Variants in STRIT1 observed in about 807,000 individuals in gnomAD.
STRIT1 encodes small transmembrane regulator of ion transport 1.
chr3:155,293,677 T>C lies in STRIT1; in HGVS notation c.-45A>G. On this transcript the variant is annotated 5_prime_UTR_variant, in exon 1 of 3. Coordinates refer to ENST00000489090, the MANE Select transcript of STRIT1 (RefSeq NM_001352129.2). ...CTAGGTCAGGCCACGCTTACCTCTT[T>C]CTTTTGTTATCCAGCGTCTCTTTGA... 2.5e-6 allele frequency: 1 copy of C among 398,430 alleles called. No homozygotes were observed. Among genetic ancestry groups the C allele is most frequent in the Non-Finnish European group, 4.4e-6 (1 of 225,698 alleles). The allele number at this position is 398,430 out of a possible 1,614,324, so 24.7% of individuals were successfully genotyped here.
chr3:155,290,405 T>TC lies in STRIT1; in HGVS notation c.*445_*446insG, dbSNP rs1434427598. 7.8e-6 allele frequency: 1 copy of TC among 128,844 alleles called. No homozygotes were observed. The highest frequency in any genetic ancestry group is 2.9e-5 in the African/African-American group (1 of 34,078). The allele number at this position is 128,844 out of a possible 1,614,324, so 8.0% of individuals were successfully genotyped here. ...GCCCATTTTCTTTCTTTTTTTTTTT[T>TC]TTTTTTTTTTTTTTTGTAGAGATGG... On this transcript the variant is annotated 3_prime_UTR_variant, in exon 3 of 3. Coordinates refer to ENST00000489090, the MANE Select transcript of STRIT1 (RefSeq NM_001352129.2).
Position 155,293,643 on chromosome 3 carries a change from G to C in STRIT1, c.-11C>G. On this transcript the variant is annotated 5_prime_UTR_variant, in exon 1 of 3. Coordinates refer to ENST00000489090, the MANE Select transcript of STRIT1 (RefSeq NM_001352129.2). ...ACCTTTTTCAGCCATTATTCCTGTTGGTGGGTGGCTAGGTCAGGCCACGCT... is the reference window on the plus strand; with the variant it reads ...ACCTTTTTCAGCCATTATTCCTGTTCGTGGGTGGCTAGGTCAGGCCACGCT... The C allele has an allele frequency of 2.6e-6, 1 of 391,118 alleles. No homozygotes were observed. The highest frequency in any genetic ancestry group is 4.5e-6 in the Non-Finnish European group (1 of 224,270). 24.2% of individuals were successfully genotyped at this position (391,118 alleles called of 1,614,324 possible).
At chr3:155,292,673 T>A (rs1406688288) in intron 1 of STRIT1, among the ~76,000 whole-genome samples, 3 of 152,218 alleles carry the variant, frequency 2.0e-5, no homozygotes, top group Non-Finnish European at 2.9e-5. Context: ...TTTTCAACTT[T>A]ACTAATACCT....
chr3:155,291,963 G>A (rs1463693720), intron 1 of STRIT1, among the ~76,000 whole-genome samples: 1 of 152,064 alleles, frequency 6.6e-6, no homozygotes, highest in Admixed American at 6.6e-5. Context: ...ATTCTTAACT[G>A]CAAAGCATAA....
intron 1 of STRIT1, among the ~76,000 whole-genome samples, chr3:155,292,657 C>G (rs1715664077): frequency 6.6e-6 from 1 of 152,118 alleles, no homozygotes; most frequent in Non-Finnish European, 1.5e-5. Context: ...TTTTTTAACA[C>G]TAATGTTTTC....
intron 1 of STRIT1, among the ~76,000 whole-genome samples, chr3:155,292,174 A>C (rs1341989988): frequency 6.6e-6 from 1 of 152,196 alleles, no homozygotes; most frequent in African/African-American, 2.4e-5. Context: ...TTAATACTTT[A>C]AATCAATTTT....
chr3:155,293,188 G>C (rs1715677532), intron 1 of STRIT1, among the ~76,000 whole-genome samples: 1 of 152,042 alleles, frequency 6.6e-6, no homozygotes, highest in Non-Finnish European at 1.5e-5. Context: ...TTTTAGGTGT[G>C]GAATAGATGC....
intron 1 of STRIT1, among the ~76,000 whole-genome samples, chr3:155,292,662 G>A (rs142617942): frequency 1.5e-4 from 23 of 152,134 alleles, no homozygotes; most frequent in South Asian, 1.2e-3. Context: ...TAACACTAAT[G>A]TTTTCAACTT....
At chr3:155,292,676 T>C (rs911151613) in intron 1 of STRIT1, among the ~76,000 whole-genome samples, 22 of 152,218 alleles carry the variant, frequency 1.4e-4, no homozygotes, top group African/African-American at 4.8e-4. Context: ...TCAACTTTAC[T>C]AATACCTGTG....
In STRIT1 at chr3:155,291,213, C is replaced by G. The variant is rs367963074; in HGVS notation, c.14-175G>C. ...GAGAATACGTGAGACTGTCATAAAC[C>G]CTGGGTATTTTGAATCAAACCATGG... On this transcript the variant is annotated intron_variant, in intron 1 of 2. Coordinates refer to ENST00000489090, the MANE Select transcript of STRIT1 (RefSeq NM_001352129.2). 1.6e-5 allele frequency: 6 copies of G among 375,612 alleles called. No individual in the cohort carries two copies. The East Asian group carries it at 2.3e-4, about 14-fold the overall frequency. The allele number at this position is 375,612 out of a possible 1,614,324, so 23.3% of individuals were successfully genotyped here.
At chr3:155,292,444 T>C (rs1715659390) in intron 1 of STRIT1, among the ~76,000 whole-genome samples, 1 of 152,198 alleles carries the variant, frequency 6.6e-6, no homozygotes, top group Non-Finnish European at 1.5e-5. Flanking sequence ...TCTAGGTATG[T>C]GGCTTTATAT....
At chr3:155,292,851 G>A (rs1715667472) in intron 1 of STRIT1, among the ~76,000 whole-genome samples, 1 of 152,158 alleles carries the variant, frequency 6.6e-6, no homozygotes, top group South Asian at 2.1e-4. Context: ...ACAGCTGGAA[G>A]TGTTCTTGAG....
rs1378711243 is a variant in STRIT1 at position 155,290,450 on chromosome 3, G to A, written c.*401C>T. 1.7e-5 allele frequency: 2 copies of A among 115,496 alleles called. No homozygotes were observed. Among genetic ancestry groups the A allele is most frequent in the Non-Finnish European group, 3.3e-5 (2 of 60,914 alleles). 7.2% of individuals were successfully genotyped at this position (115,496 alleles called of 1,614,324 possible). On this transcript the variant is annotated 3_prime_UTR_variant, in exon 3 of 3. Coordinates refer to ENST00000489090, the MANE Select transcript of STRIT1 (RefSeq NM_001352129.2). ...AGATGGGGTCTCTCTCTGTCGCCTA[G>A]GAAGGTCTCCAATTTCTGGGCTCAA... is the stretch of plus-strand genomic sequence containing the variant.
Position 155,290,993 on chromosome 3 carries a change from A to C in STRIT1, c.59T>G (p.Ile20Ser). The change falls in exon 2 of 3, where the codon ATT (isoleucine) becomes AGT (serine). Residue 20 changes from isoleucine (I) to serine (S), a missense_variant. Ile to Ser is a moderately radical substitution (Grantham distance 142, BLOSUM62 -2). Coordinates refer to ENST00000489090, the MANE Select transcript of STRIT1 (RefSeq NM_001352129.2). ...SHLLVPILLLIGWIVGCIIMI... is the reference protein window; with the variant it reads ...SHLLVPILLLSGWIVGCIIMI... The stretch of plus-strand genomic sequence containing the variant: ...TATGATGCAGCCCACAATCCAGCCA[A>C]TCAGGAGAAGAATAGGAACCAGAAG... 5.0e-6 allele frequency: 2 copies of C among 398,772 alleles called. No individual in the cohort carries two copies. The highest frequency in any genetic ancestry group is 8.9e-6 in the Non-Finnish European group (2 of 225,910). The allele number at this position is 398,772 out of a possible 1,614,324, so 24.7% of individuals were successfully genotyped here.
At chr3:155,291,844 A>G (rs1001592975) in intron 1 of STRIT1, among the ~76,000 whole-genome samples, 3 of 152,306 alleles carry the variant, frequency 2.0e-5, no homozygotes, top group African/African-American at 7.2e-5. Context: ...AAGCAAACAT[A>G]CACAGGCATA....
chr3:155,291,597 C>A (rs1412270534), intron 1 of STRIT1, among the ~76,000 whole-genome samples: 3 of 152,242 alleles, frequency 2.0e-5, no homozygotes, highest in Non-Finnish European at 4.4e-5. Context: ...AGGAAAGTAT[C>A]ATACATTATG....
In STRIT1 at chr3:155,290,422, T is replaced by G. The variant is rs2314620; in HGVS notation, c.*429A>C. 8.3e-6 allele frequency: 1 copy of G among 120,032 alleles called. No individual in the cohort carries two copies. Among genetic ancestry groups the G allele is most frequent in the East Asian group, 2.2e-4 (1 of 4,596 alleles). The allele number at this position is 120,032 out of a possible 1,614,324, so 7.4% of individuals were successfully genotyped here. ...TTTTTTTTTTTTTTTTTTTTTTTTGTAGAGATGGGGTCTCTCTCTGTCGCC... is the reference window on the plus strand; with the variant it reads ...TTTTTTTTTTTTTTTTTTTTTTTTGGAGAGATGGGGTCTCTCTCTGTCGCC... On this transcript the variant is annotated 3_prime_UTR_variant, in exon 3 of 3. Coordinates refer to ENST00000489090, the MANE Select transcript of STRIT1 (RefSeq NM_001352129.2).
Position 155,291,103 on chromosome 3 carries a change from G to C in STRIT1, c.14-65C>G. The C allele has an allele frequency of 7.5e-6, 3 of 397,490 alleles. No individual in the cohort carries two copies. In the Admixed American group the frequency reaches 1.3e-4, roughly 18 times the overall value. 24.6% of individuals were successfully genotyped at this position (397,490 alleles called of 1,614,324 possible). A position where few individuals can be genotyped will look rare whatever the true frequency, so the allele number is the denominator to read the frequency against. On this transcript the variant is annotated intron_variant, in intron 1 of 2. Transcript: ENST00000489090. The stretch of plus-strand genomic sequence containing the variant: ...TTTCATATTAAATTTTCTGTGTCAA[G>C]AGAATAAAAGGAATTTGGTAACATT...
intron 1 of STRIT1, among the ~76,000 whole-genome samples, chr3:155,292,421 T>A (rs1715658124): frequency 6.6e-6 from 1 of 152,152 alleles, no homozygotes; most frequent in Non-Finnish European, 1.5e-5. Context: ...ATAGCAGTAA[T>A]TTTTTTGAAC....
Sources: allele counts gnomAD v4.1 joint callset (sites outside exome capture counted in the v4.1 genomes callset), GRCh38; gene constraint gnomAD v4.1.1; transcripts MANE v1.5; gene names NCBI Gene and HGNC (gene_info 2026-07-23, HGNC 2026-07-21).